The following CTNNA2 variants were observed in gnomAD, a reference collection of about 807,000 sequenced individuals.
The protein encoded by CTNNA2 is catenin alpha-2.
A neutral mutation model predicts 101.0 loss-of-function variants in CTNNA2; 42 were observed. That is an observed-to-expected ratio of 0.42 (90% CI 0.32 to 0.54). The LOEUF (loss-of-function observed/expected upper bound fraction) is 0.54. Ranked by LOEUF, CTNNA2 falls within the 20% of genes least tolerant of loss-of-function variation. CTNNA2 has a pLI of 0.14. For synonymous variants in CTNNA2, 450 were observed against 456.4 expected, an observed-to-expected ratio of 0.99 and a Z score of 0.18; for missense variants, 871 against 1,223.1, an observed-to-expected ratio of 0.71 and a Z score of 4.29.
At chr2:79,236,143 GC>G (rs553312138) in intron 2 of CTNNA2, among the ~76,000 whole-genome samples, 146 of 152,298 alleles carry the variant, frequency 9.6e-4, no homozygotes, top group African/African-American at 3.1e-3. Context: ...TGGCCTGCCT[GC>G]TTATGAGAAA....
At chr2:79,858,685 G>T (rs1184810742) in intron 4 of CTNNA2, among the ~76,000 whole-genome samples, 1 of 152,002 alleles carries the variant, frequency 6.6e-6, no homozygotes, top group Non-Finnish European at 1.5e-5. Flanking sequence ...ATAAAAAGGG[G>T]CCCCATCCAC....
chr2:79,372,409 T>G (rs1479154487), intron 3 of CTNNA2, among the ~76,000 whole-genome samples: 1 of 152,194 alleles, frequency 6.6e-6, no homozygotes, highest in African/African-American at 2.4e-5. Context: ...AGGAAACGTG[T>G]CCAGGTCTTC....
At chr2:80,429,456 A>G (rs906351681) in intron 9 of CTNNA2, among the ~76,000 whole-genome samples, 1 of 152,294 alleles carries the variant, frequency 6.6e-6, no homozygotes, top group Non-Finnish European at 1.5e-5. Flanking sequence ...ATTCTTAGCC[A>G]CTGTGCCACA....
intron 7 of CTNNA2, among the ~76,000 whole-genome samples, chr2:80,191,658 G>A (rs1706509765): frequency 6.6e-6 from 1 of 150,486 alleles, no homozygotes; most frequent in African/African-American, 2.5e-5. Context: ...GCTGTTTAGA[G>A]AAACTTGAAA....
At chr2:80,529,152 T>G (rs184984455) in intron 9 of CTNNA2, among the ~76,000 whole-genome samples, 3 of 152,312 alleles carry the variant, frequency 2.0e-5, no homozygotes, top group Non-Finnish European at 4.4e-5. Flanking sequence ...TATACCATCA[T>G]ACTTTGGGGT....
intron 7 of CTNNA2, among the ~76,000 whole-genome samples, chr2:80,258,047 T>C (rs1672310037): frequency 6.6e-6 from 1 of 152,240 alleles, no homozygotes; most frequent in African/African-American, 2.4e-5. Flanking sequence ...ATATTTATTA[T>C]GACAAATTCC....
At chr2:80,117,938 T>A (rs949993613) in intron 7 of CTNNA2, among the ~76,000 whole-genome samples, 10 of 152,180 alleles carry the variant, frequency 6.6e-5, no homozygotes, top group Non-Finnish European at 1.5e-4. Context: ...ATGAGGTGAC[T>A]ACTGTTTTTC....
chr2:79,989,709 TTTGA>T (rs1032010154), intron 7 of CTNNA2, among the ~76,000 whole-genome samples: 2 of 152,146 alleles, frequency 1.3e-5, no homozygotes, highest in Non-Finnish European at 2.9e-5. Context: ...TCTGACAATC[TTTGA>T]TTGACTCTCT....
Position 80,245,959 on chromosome 2 carries a change from T to C in CTNNA2, c.1057-147252T>C, listed in dbSNP as rs572602364. Among the ~76,000 whole-genome samples, 80 of 151,972 alleles carry C rather than the reference T, an allele frequency of 5.3e-4. No homozygotes were observed. The South Asian group carries it at 9.4e-3, about 18-fold the overall frequency. On this transcript the variant is annotated intron_variant, in intron 7 of 18. Coordinates refer to ENST00000402739, the MANE Select transcript of CTNNA2 (RefSeq NM_001282597.3). The stretch of plus-strand genomic sequence containing the variant: ...ACAGGTGCCCACCACCACACCCGGC[T>C]AATTTTTTGTATTTTTAGTAGAGAC...
At chr2:79,873,227 A>G (rs184136457) in intron 5 of CTNNA2, among the ~76,000 whole-genome samples, 1 of 152,112 alleles carries the variant, frequency 6.6e-6, no homozygotes, top group Non-Finnish European at 1.5e-5. Context: ...TGACGTTTTC[A>G]GGTTTTCTGT....
chr2:79,331,341 A>G (rs539998139), intron 3 of CTNNA2, among the ~76,000 whole-genome samples: 2 of 152,222 alleles, frequency 1.3e-5, no homozygotes, highest in African/African-American at 4.8e-5. Flanking sequence ...ATTGTATAAA[A>G]CCTGAATGAG....
At chr2:79,679,723 A>G (rs765896767) in intron 2 of CTNNA2, among the ~76,000 whole-genome samples, 1 of 151,854 alleles carries the variant, frequency 6.6e-6, no homozygotes, top group African/African-American at 2.4e-5. Context: ...TCTGCTTCCT[A>G]CGTCACTGTA....
At chr2:79,891,527 T>C (rs961330403) in intron 6 of CTNNA2, among the ~76,000 whole-genome samples, 3 of 152,166 alleles carry the variant, frequency 2.0e-5, no homozygotes, top group African/African-American at 7.2e-5. Context: ...AGATGACATT[T>C]GTAGAGATCT....
chr2:79,319,409 T>C (rs1676566536), intron 3 of CTNNA2, among the ~76,000 whole-genome samples: 2 of 152,174 alleles, frequency 1.3e-5, no homozygotes, highest in African/African-American at 4.8e-5. Flanking sequence ...CTCTGTCATA[T>C]TGCCATATTT....
intron 7 of CTNNA2, among the ~76,000 whole-genome samples, chr2:80,390,051 C>T (rs1677363464): frequency 6.6e-6 from 1 of 152,190 alleles, no homozygotes; most frequent in South Asian, 2.1e-4. Context: ...TCAAACTGAT[C>T]TCTTCACATC....
intron 3 of CTNNA2, among the ~76,000 whole-genome samples, chr2:79,345,363 G>C (rs1484074000): frequency 6.6e-6 from 1 of 152,036 alleles, no homozygotes. Context: ...TGTTCTTGTG[G>C]TTTGTTCTCT....
At position 80,278,051 on chromosome 2, in the gene CTNNA2, G is replaced by A. The variant is rs555949487; in HGVS notation, c.1057-115160G>A. Among the ~76,000 whole-genome samples the A allele has an allele frequency of 3.2e-4, 49 of 152,174 alleles. No individual in the cohort carries two copies. In the Middle Eastern group the frequency reaches 0.01, roughly 32 times the overall value. On this transcript the variant is annotated intron_variant, in intron 7 of 18. Transcript: ENST00000402739. ...TGTTTTGTGACATCAGAGAGATTGT[G>A]GCTTGACACCTGCCGTTGTCCAGGT...
intron 7 of CTNNA2, among the ~76,000 whole-genome samples, chr2:80,282,685 A>G (rs1674473261): frequency 6.6e-6 from 1 of 152,142 alleles, no homozygotes; most frequent in African/African-American, 2.4e-5. Context: ...TAAAATATGT[A>G]TGTGTTTAAT....
intron 7 of CTNNA2, among the ~76,000 whole-genome samples, chr2:80,098,783 G>A (rs554426364): frequency 1.3e-5 from 2 of 152,312 alleles, no homozygotes; most frequent in South Asian, 2.1e-4. Context: ...GGGAGGCTTC[G>A]TGGGCATAGG....
Sources: allele counts gnomAD v4.1 joint callset (sites outside exome capture counted in the v4.1 genomes callset), GRCh38; gene constraint gnomAD v4.1.1; transcripts MANE v1.5; gene names NCBI Gene and HGNC (gene_info 2026-07-23, HGNC 2026-07-21).